The following ARMC9 variants were observed in gnomAD, a reference collection of about 807,000 sequenced individuals.
ARMC9 encodes lisH domain-containing protein ARMC9.
In ARMC9, 94 loss-of-function variants were observed where a neutral mutation model predicts 107.0. That is an observed-to-expected ratio of 0.88 (90% confidence interval 0.74 to 1.04). ARMC9 has a LOEUF of 1.04. Among genes scored for constraint, ARMC9 ranks in the 50% least tolerant of loss-of-function variants. The pLI is 0.00. For synonymous variants in ARMC9, 380 were observed against 396.9 expected (o/e 0.96, Z 0.51); for missense variants, 942 against 1,030.1 (o/e 0.91, Z 1.17).
intron 22 of ARMC9, among the ~76,000 whole-genome samples, chr2:231,357,377 G>A (rs1169394117): frequency 6.6e-6 from 1 of 152,054 alleles, no homozygotes; most frequent in Non-Finnish European, 1.5e-5. Context: ...CCCAAATGCT[G>A]AGACCGTGTT....
At chr2:231,262,039 G>A (rs912121363) in intron 11 of ARMC9, among the ~76,000 whole-genome samples, 6 of 152,046 alleles carry the variant, frequency 3.9e-5, no homozygotes, top group African/African-American at 1.4e-4. Flanking sequence ...AGCCAGGATG[G>A]TCTTGATCTC....
Position 231,360,876 on chromosome 2 carries a change from A to T in ARMC9, c.2254A>T (p.Thr752Ser), listed in dbSNP as rs1192782336. The T allele has an allele frequency of 1.3e-6, 2 of 1,531,292 alleles. No individual in the cohort carries two copies. The highest frequency in any genetic ancestry group is 1.7e-6 in the Non-Finnish European group (2 of 1,144,674). The allele number at this position is 1,531,292 out of a possible 1,614,324, so 94.9% of individuals were successfully genotyped here. The change falls in exon 23 of 25, where the codon ACC (threonine) becomes TCC (serine). Residue 752 changes from threonine to serine, a missense_variant. By Grantham distance (58) the Thr-to-Ser change is moderately conservative (BLOSUM62 1). Coordinates refer to ENST00000611582, the MANE Select transcript of ARMC9 (RefSeq NM_001352754.2). This position sits in a 1 kb window ranked among gnomAD's most constrained non-coding sequence, Gnocchi z 4.7. The stretch of plus-strand genomic sequence containing the variant: ...GCCCCAGGACCCAGGCAATGGAGTG[A>T]CCACCAGGTAAGGGGGATATCACAA... Reference protein sequence around the residue: ...EAPQDPGNGVTTRECASAFTC... With the variant: ...EAPQDPGNGVSTRECASAFTC...
chr2:231,220,439 A>C (rs1000614408), intron 5 of ARMC9, among the ~76,000 whole-genome samples: 2 of 151,950 alleles, frequency 1.3e-5, no homozygotes, highest in African/African-American at 2.4e-5. Context: ...TCTACTAAAA[A>C]TACAAAAATT....
chr2:231,319,358 G>A (rs1184300591), intron 19 of ARMC9, among the ~76,000 whole-genome samples: 4 of 152,018 alleles, frequency 2.6e-5, no homozygotes, highest in East Asian at 1.9e-4. Context: ...AGCCCTGTTC[G>A]GGTCCTGATT....
intron 18 of ARMC9, among the ~76,000 whole-genome samples, chr2:231,291,764 G>A (rs1262625911): frequency 5.3e-5 from 8 of 151,060 alleles, no homozygotes; most frequent in East Asian, 2.0e-4. Flanking sequence ...GCAGTGAGCC[G>A]AGATTGCACC....
At position 231,238,742 on chromosome 2, in the gene ARMC9, C is replaced by T. The variant is rs138019408; in HGVS notation, c.781-1201C>T. 2.4e-3 allele frequency among the ~76,000 whole-genome samples: 370 copies of T among 152,214 alleles called. 3 individuals carry two copies. Among genetic ancestry groups the T allele is most frequent in the African/African-American group, 8.4e-3 (348 of 41,530 alleles). ...CTCAGGATAATATAGGAGGTCTAGCCCTGGGATGGGGTTCCTTTTTCTCTG... is the reference window on the plus strand; with the variant it reads ...CTCAGGATAATATAGGAGGTCTAGCTCTGGGATGGGGTTCCTTTTTCTCTG... On this transcript the variant is annotated intron_variant, in intron 8 of 24. Coordinates refer to ENST00000611582, the MANE Select transcript of ARMC9 (RefSeq NM_001352754.2).
intron 9 of ARMC9, among the ~76,000 whole-genome samples, chr2:231,244,570 A>G (rs1038507857): frequency 1.3e-5 from 2 of 152,074 alleles, no homozygotes; most frequent in Admixed American, 6.5e-5. Flanking sequence ...AGGTCTCACT[A>G]TGTTGCCCAG....
chr2:231,341,592 T>C (rs1017078830), intron 20 of ARMC9, among the ~76,000 whole-genome samples: 1 of 149,248 alleles, frequency 6.7e-6, no homozygotes, highest in Non-Finnish European at 1.5e-5. Context: ...TTTCAGATTA[T>C]TTTCTATGTG....
At chr2:231,240,197 T>G in intron 9 of ARMC9, 156 bp downstream of exon 9, 1 of 704,212 alleles carries the variant, frequency 1.4e-6, no homozygotes, top group Non-Finnish European at 2.4e-6. Flanking sequence ...AATAAATCTG[T>G]TTTTGAAGAG....
rs182141014 is a variant in ARMC9, at chr2:231,369,704, C to T, written c.2262-249C>T. Among the ~76,000 whole-genome samples the T allele has an allele frequency of 1.6e-3, 243 of 152,184 alleles. 1 individual carries two copies. Among genetic ancestry groups the T allele is most frequent in the Admixed American group, 4.3e-3 (65 of 15,294 alleles). On this transcript the variant is annotated intron_variant, in intron 23 of 24. Coordinates refer to ENST00000611582, the MANE Select transcript of ARMC9 (RefSeq NM_001352754.2). ...CTCCTCCCAGGTTCAAGCGGTTCTC[C>T]TGCCTCAGCCTCCTGAGGAGCTGGA...
chr2:231,324,660 C>T (rs902099256), intron 19 of ARMC9, among the ~76,000 whole-genome samples: 1 of 151,818 alleles, frequency 6.6e-6, no homozygotes, highest in African/African-American at 2.4e-5. Flanking sequence ...GAGAGAATCA[C>T]TTGAACCGAG....
intron 7 of ARMC9, among the ~76,000 whole-genome samples, chr2:231,227,461 C>G (rs2034757209): frequency 1.3e-5 from 2 of 152,196 alleles, no homozygotes; most frequent in African/African-American, 4.8e-5. Context: ...TGTCATCCCT[C>G]TGGTGAGTAT....
At chr2:231,254,700 T>G (rs1482564784) in intron 9 of ARMC9, among the ~76,000 whole-genome samples, 2 of 151,808 alleles carry the variant, frequency 1.3e-5, no homozygotes, top group Non-Finnish European at 2.9e-5. Flanking sequence ...GAAAAAAATT[T>G]AAGTATCATT....
chr2:231,297,443 A>G lies in ARMC9; in HGVS notation c.1773+1190A>G, dbSNP rs1377378992. ...AGACACTTTGTGTAAAGGAAAAGAT[A>G]GGAACTATTTTAGGGCTTGCAGGCC... On this transcript the variant is annotated intron_variant, in intron 19 of 24. Coordinates refer to ENST00000611582, the MANE Select transcript of ARMC9 (RefSeq NM_001352754.2). The surrounding 1 kb of genome is among the most constrained non-coding windows in gnomAD (Gnocchi z 4.2). 6.6e-6 allele frequency among the ~76,000 whole-genome samples: 1 copy of G among 152,238 alleles called. No homozygotes were observed. Among genetic ancestry groups the G allele is most frequent in the Non-Finnish European group, 1.5e-5 (1 of 68,038 alleles).
chr2:231,291,461 A>C lies in ARMC9; in HGVS notation c.1717+18A>C, dbSNP rs1237900671. ...AAATTCCGGTCAGTTTGATGCAAGAATCTTTGATCTATCTTTTGAATTATT... is the reference window on the plus strand; with the variant it reads ...AAATTCCGGTCAGTTTGATGCAAGACTCTTTGATCTATCTTTTGAATTATT... On this transcript the variant is annotated intron_variant, in intron 18 of 24. Coordinates refer to ENST00000611582, the MANE Select transcript of ARMC9 (RefSeq NM_001352754.2). 1 of 1,601,324 alleles carries C rather than the reference A, an allele frequency of 6.2e-7. No homozygotes were observed. Among genetic ancestry groups the C allele is most frequent in the East Asian group, 2.2e-5 (1 of 44,784 alleles).
chr2:231,262,373 T>A lies in ARMC9; in HGVS notation c.1094T>A (p.Leu365His), dbSNP rs747148713. Residue 365 changes from leucine (L) to histidine (H), a missense_variant, in exon 12 of 25, where the codon CTC (leucine) becomes CAC (histidine). Transcript: ENST00000611582. The part of the protein sequence containing the change: ...TVLQAYISND[L>H]LDCYSHNQRS... ...CTGCAAGCCTACATCAGCAATGACC[T>A]CTTGGACTGTTATAGCCACAACCAG... 1 of 1,614,054 alleles carries A rather than the reference T, an allele frequency of 6.2e-7. No individual in the cohort carries two copies.
intron 21 of ARMC9, chr2:231,345,304 C>T: frequency 2.5e-6 from 2 of 815,962 alleles, no homozygotes; most frequent in Non-Finnish European, 3.5e-6. Flanking sequence ...GGTTGGATTA[C>T]AGGATCTCCA....
At chr2:231,341,678 AG>A (rs1045737101) in intron 20 of ARMC9, among the ~76,000 whole-genome samples, 1 of 151,792 alleles carries the variant, frequency 6.6e-6, no homozygotes, top group Non-Finnish European at 1.5e-5. Flanking sequence ...AGATAGATAG[AG>A]TATACCTGTA....
At chr2:231,251,016 G>A (rs2037246305) in intron 9 of ARMC9, among the ~76,000 whole-genome samples, 1 of 152,156 alleles carries the variant, frequency 6.6e-6, no homozygotes. Context: ...TTAAGCTAAG[G>A]TGGTAGTTCA....
Sources: allele counts gnomAD v4.1 joint callset (sites outside exome capture counted in the v4.1 genomes callset), GRCh38; gene constraint gnomAD v4.1.1; non-coding constraint Gnocchi (gnomAD v3.1); transcripts MANE v1.5; gene names NCBI Gene and HGNC (gene_info 2026-07-23, HGNC 2026-07-21).